Variants in KCNMA1 observed in about 807,000 individuals in gnomAD.
KCNMA1 encodes potassium calcium-activated channel subfamily M alpha 1.
Under a neutral mutation model 140.0 loss-of-function variants are expected in KCNMA1, and 29 were observed. That is an observed-to-expected ratio of 0.21 (90% CI 0.15 to 0.28). The LOEUF (loss-of-function observed/expected upper bound fraction) is 0.28. Ranked by LOEUF, KCNMA1 falls within the 10% of genes least tolerant of loss-of-function variation. KCNMA1 has a pLI of 1.00. For missense variants in KCNMA1, 880 were observed against 1,602.2 expected (o/e 0.55, Z 7.70); for synonymous variants, 612 against 611.9 (o/e 1.00, Z 0.00).
intron 1 of KCNMA1, among the ~76,000 whole-genome samples, chr10:77,423,394 G>C (rs3862501): frequency 0.17 from 26,142 of 152,026 alleles, 2,880 homozygotes; most frequent in African/African-American, 0.31. Context: ...AAACGGCTAA[G>C]CAGTAGATAT....
At chr10:77,281,960 T>C (rs2068761625) in intron 2 of KCNMA1, among the ~76,000 whole-genome samples, 1 of 152,172 alleles carries the variant, frequency 6.6e-6, no homozygotes, top group Non-Finnish European at 1.5e-5. Context: ...GTCTGGGTGT[T>C]ACGATAACCA....
chr10:77,063,375 G>A (rs1341995926), intron 14 of KCNMA1, among the ~76,000 whole-genome samples: 1 of 152,008 alleles, frequency 6.6e-6, no homozygotes, highest in African/African-American at 2.4e-5. Context: ...GGAGAGGTGG[G>A]CGGAGGTTGC....
intron 2 of KCNMA1, among the ~76,000 whole-genome samples, chr10:77,269,809 C>A (rs2154279059): frequency 6.6e-6 from 1 of 152,274 alleles, no homozygotes; most frequent in African/African-American, 2.4e-5. Context: ...CTGGAGGAGT[C>A]TTCAGTTGAC....
At chr10:77,162,198 C>G (rs559566240) in intron 5 of KCNMA1, among the ~76,000 whole-genome samples, 4 of 152,294 alleles carry the variant, frequency 2.6e-5, no homozygotes, top group African/African-American at 9.6e-5. Context: ...AAACTGACTG[C>G]AGCTAAGGGA....
At chr10:76,910,773 A>G (rs2049853270) in intron 24 of KCNMA1, 1 of 158,636 alleles carries the variant, frequency 6.3e-6, no homozygotes, top group Non-Finnish European at 1.4e-5. Context: ...GGGGACGCCC[A>G]CGTTCTCCCT....
chr10:77,165,617 G>A (rs1300200318), intron 5 of KCNMA1, among the ~76,000 whole-genome samples: 2 of 152,188 alleles, frequency 1.3e-5, no homozygotes, highest in Non-Finnish European at 2.9e-5. Context: ...CTGGAGTCGG[G>A]CTGACTTCCT....
chr10:77,631,566 G>A (rs961176801), intron 1 of KCNMA1, among the ~76,000 whole-genome samples: 4 of 152,326 alleles, frequency 2.6e-5, no homozygotes, highest in Admixed American at 2.6e-4. Context: ...CCCACTTTGG[G>A]AAGGAGGTCC....
At chr10:76,964,298 T>A (rs181190632) in intron 20 of KCNMA1, among the ~76,000 whole-genome samples, 2 of 152,190 alleles carry the variant, frequency 1.3e-5, no homozygotes, top group East Asian at 3.9e-4. Flanking sequence ...CCACCTAAGA[T>A]GTTATCTAGT....
rs192733766 is a variant in KCNMA1 at position 77,466,074 on chromosome 10, G to A, written c.379-62051C>T. On this transcript the variant is annotated intron_variant, in intron 1 of 27. Transcript: ENST00000286628. ...CTTGGCGGGAGCATCAGGAACTAAG[G>A]CAAAAATAGACCATGAGGCCCAGGG... 3.3e-5 allele frequency among the ~76,000 whole-genome samples: 5 copies of A among 152,266 alleles called. No individual in the cohort carries two copies. The East Asian group carries it at 7.7e-4, about 24-fold the overall frequency.
chr10:77,169,138 G>C (rs1208405928), intron 5 of KCNMA1, among the ~76,000 whole-genome samples: 3 of 152,182 alleles, frequency 2.0e-5, no homozygotes, highest in Non-Finnish European at 4.4e-5. Context: ...GCAAGTAACA[G>C]GATAATAACT....
intron 2 of KCNMA1, among the ~76,000 whole-genome samples, chr10:77,387,950 T>G (rs1408218286): frequency 2.0e-5 from 3 of 152,200 alleles, no homozygotes; most frequent in African/African-American, 4.8e-5. Flanking sequence ...CCATTATGAC[T>G]GTTTGCTGCT....
In KCNMA1 at chr10:77,321,971, C is replaced by T. The variant is rs543091171; in HGVS notation, c.541-70715G>A. ...GGTTATGCTGCAGTAACAACTAAAA[C>T]CTAAAATTCCAAAGGCATAACACTT... On this transcript the variant is annotated intron_variant, in intron 2 of 27. Coordinates refer to ENST00000286628, the MANE Select transcript of KCNMA1 (RefSeq NM_001161352.2). 2.0e-5 allele frequency among the ~76,000 whole-genome samples: 3 copies of T among 152,284 alleles called. 1 individual carries two copies. In the South Asian group the frequency reaches 6.2e-4, roughly 32 times the overall value.
At chr10:76,968,500 C>T (rs2074836267) in intron 20 of KCNMA1, among the ~76,000 whole-genome samples, 1 of 152,160 alleles carries the variant, frequency 6.6e-6, no homozygotes. Flanking sequence ...TATTTATTTG[C>T]TTCTCTAAAT....
intron 9 of KCNMA1, among the ~76,000 whole-genome samples, chr10:77,094,861 G>C (rs1207153321): frequency 6.6e-6 from 1 of 151,796 alleles, no homozygotes; most frequent in African/African-American, 2.4e-5. Context: ...ACCACAGCTG[G>C]CTAATTTTCT....
chr10:77,408,431 C>T (rs940293918), intron 1 of KCNMA1, among the ~76,000 whole-genome samples: 10 of 151,470 alleles, frequency 6.6e-5, no homozygotes, highest in East Asian at 1.9e-4. Context: ...TGTGTGTGCA[C>T]GTGTGAGAGT....
chr10:77,116,526 C>T (rs534561611), intron 6 of KCNMA1, among the ~76,000 whole-genome samples: 1 of 152,018 alleles, frequency 6.6e-6, no homozygotes, highest in Admixed American at 6.6e-5. Flanking sequence ...TCTGGTACTG[C>T]CAGGTGCTGC....
At chr10:77,398,036 G>A (rs1394052510) in intron 2 of KCNMA1, among the ~76,000 whole-genome samples, 1 of 147,118 alleles carries the variant, frequency 6.8e-6, no homozygotes, top group Non-Finnish European at 1.5e-5. Flanking sequence ...TGATATATAT[G>A]CATGTGTGTG....
chr10:76,937,050 A>C (rs999711674), intron 23 of KCNMA1, among the ~76,000 whole-genome samples: 1 of 152,192 alleles, frequency 6.6e-6, no homozygotes, highest in Non-Finnish European at 1.5e-5. Flanking sequence ...CACAGAACTC[A>C]TCTCTCTACC....
intron 5 of KCNMA1, among the ~76,000 whole-genome samples, chr10:77,173,183 G>C (rs1285348067): frequency 6.6e-6 from 1 of 152,180 alleles, no homozygotes; most frequent in African/African-American, 2.4e-5. Context: ...TATAGAATGG[G>C]TCAAGAAGCT....
Sources: gnomAD v4.1 joint callset for allele counts (sites outside exome capture counted in the v4.1 genomes callset) on GRCh38, gnomAD v4.1.1 for gene constraint, MANE v1.5 for transcripts, NCBI Gene and HGNC (gene_info 2026-07-23, HGNC 2026-07-21) for gene names.